NCALD: variants seen among roughly 807,000 people sequenced by gnomAD.
The protein encoded by NCALD is neurocalcin-delta.
NCALD carries 10 observed loss-of-function variants against 18.6 expected under a neutral mutation model. The ratio of observed to expected loss-of-function variants is 0.54; its 90% confidence interval spans 0.33 to 0.91. The LOEUF is 0.91. Among genes scored for constraint, NCALD ranks in the 40% least tolerant of loss-of-function variants. The probability of loss-of-function intolerance (pLI) is 0.03; values close to 1 mark genes in which losing one functional copy is unlikely to be tolerated. For missense variants in NCALD, 184 were observed against 247.6 expected, an observed-to-expected ratio of 0.74 and a Z score of 1.72; for synonymous variants, 88 against 87.4, an observed-to-expected ratio of 1.01 and a Z score of -0.04.
intron 3 of NCALD, among the ~76,000 whole-genome samples, chr8:101,911,736 T>G (rs766717711): frequency 1.3e-5 from 2 of 152,208 alleles, no homozygotes; most frequent in Non-Finnish European, 2.9e-5. Flanking sequence ...GAGCTGCGTT[T>G]CCACGAATTA....
chr8:102,058,434 C>A (rs1401265236), intron 1 of NCALD, among the ~76,000 whole-genome samples: 1 of 152,228 alleles, frequency 6.6e-6, no homozygotes, highest in African/African-American at 2.4e-5. Context: ...CTTACCTATA[C>A]CTGTCCCTGT....
At chr8:102,123,729 C>G (rs1425404225) in intron 1 of NCALD, 2 of 152,532 alleles carry the variant, frequency 1.3e-5, no homozygotes, top group African/African-American at 4.8e-5. Context: ...CCCTTGGCCC[C>G]CTCCCCAGAC....
intron 2 of NCALD, among the ~76,000 whole-genome samples, chr8:101,702,404 T>G (rs931839213): frequency 2.6e-5 from 4 of 151,998 alleles, no homozygotes; most frequent in South Asian, 2.1e-4. Context: ...CTGGGTAATT[T>G]TTTTTTGTAG....
intron 3 of NCALD, among the ~76,000 whole-genome samples, chr8:101,911,314 C>G (rs1251715746): frequency 6.7e-6 from 1 of 149,082 alleles, no homozygotes; most frequent in African/African-American, 2.5e-5. Context: ...AAGGGGGCCA[C>G]AGGAAATCCT....
Position 101,967,868 on chromosome 8 carries a change from T to G in NCALD, c.-156-52010A>C, listed in dbSNP as rs758146715. 5.0e-5 allele frequency among the ~76,000 whole-genome samples: 7 copies of G among 141,190 alleles called. 1 individual carries two copies. The highest frequency in any genetic ancestry group is 2.1e-4 in the Admixed American group (3 of 14,440). The allele number at this position is 141,190 out of a possible 152,430, so 92.6% of individuals were successfully genotyped here. A position where few individuals can be genotyped will look rare whatever the true frequency, so the allele number is the denominator to read the frequency against. Reference sequence around the variant, plus strand: ...ACACACACACACACACACACACACATGCACTCACCCTCAGTCATTTCATGC... The same window carrying G: ...ACACACACACACACACACACACACAGGCACTCACCCTCAGTCATTTCATGC... On this transcript the variant is annotated intron_variant, in intron 2 of 6. Transcript: ENST00000311028.
At chr8:101,979,213 C>T (rs1164491617) in intron 2 of NCALD, among the ~76,000 whole-genome samples, 2 of 152,296 alleles carry the variant, frequency 1.3e-5, no homozygotes, top group South Asian at 2.1e-4. Context: ...ATCAGGAGGG[C>T]ATCTTTCAGG....
chr8:102,030,749 G>A (rs540619929), intron 1 of NCALD, among the ~76,000 whole-genome samples: 16 of 152,114 alleles, frequency 1.1e-4, no homozygotes, highest in South Asian at 4.2e-4. Flanking sequence ...GGTGGTGCAC[G>A]CCTGTAATCC....
intron 4 of NCALD, among the ~76,000 whole-genome samples, chr8:101,810,097 G>T (rs1304979600): frequency 6.6e-6 from 1 of 152,138 alleles, no homozygotes; most frequent in African/African-American, 2.4e-5. Context: ...CCAGCTTAAA[G>T]TCACACATTT....
intron 1 of NCALD, among the ~76,000 whole-genome samples, chr8:102,056,307 A>C (rs765328593): frequency 6.6e-6 from 1 of 152,162 alleles, no homozygotes; most frequent in African/African-American, 2.4e-5. Context: ...AGCAAACTCG[A>C]GTCAGAACTC....
chr8:101,881,204 T>C (rs751071197), intron 4 of NCALD, among the ~76,000 whole-genome samples: 2 of 152,168 alleles, frequency 1.3e-5, no homozygotes, highest in African/African-American at 2.4e-5. Context: ...AAATAATCTC[T>C]TTAATGGTGT....
intron 2 of NCALD, among the ~76,000 whole-genome samples, chr8:101,928,204 C>A (rs1818408931): frequency 6.6e-6 from 1 of 152,154 alleles, no homozygotes; most frequent in Non-Finnish European, 1.5e-5. Flanking sequence ...TGATGCTCAT[C>A]TTCTAGGAAA....
intron 1 of NCALD, among the ~76,000 whole-genome samples, chr8:102,050,727 TTA>T: frequency 6.8e-6 from 1 of 147,268 alleles, no homozygotes; most frequent in African/African-American, 2.5e-5. Context: ...TTGTATATAT[TTA>T]TATATGAATT....
intron 3 of NCALD, among the ~76,000 whole-genome samples, chr8:101,898,194 C>G (rs1817280742): frequency 1.3e-5 from 2 of 152,160 alleles, no homozygotes; most frequent in Admixed American, 6.5e-5. Context: ...TGAGAACAGA[C>G]TAATACAGGC....
chr8:101,879,703 T>C (rs1816399252), intron 4 of NCALD, among the ~76,000 whole-genome samples: 1 of 152,176 alleles, frequency 6.6e-6, no homozygotes, highest in South Asian at 2.1e-4. Flanking sequence ...ATTGGTCCGT[T>C]TTGACAGGGT....
chr8:101,766,014 G>T (rs1221427478), intron 1 of NCALD, among the ~76,000 whole-genome samples: 2 of 152,150 alleles, frequency 1.3e-5, no homozygotes, highest in Non-Finnish European at 2.9e-5. Context: ...TCTCAGTGGA[G>T]GCCACTGATG....
chr8:101,980,661 A>G (rs771710643), intron 2 of NCALD, among the ~76,000 whole-genome samples: 8 of 152,166 alleles, frequency 5.3e-5, no homozygotes, highest in Non-Finnish European at 8.8e-5. Flanking sequence ...ATTTCTCTAC[A>G]AGGAAAGAAT....
chr8:101,820,970 A>G (rs1476714861), intron 4 of NCALD, among the ~76,000 whole-genome samples: 1 of 152,224 alleles, frequency 6.6e-6, no homozygotes, highest in African/African-American at 2.4e-5. Context: ...AACTCATGGT[A>G]AGTAAATCAA....
At chr8:101,997,801 T>C (rs1433302968) in intron 2 of NCALD, among the ~76,000 whole-genome samples, 1 of 152,232 alleles carries the variant, frequency 6.6e-6, no homozygotes, top group Non-Finnish European at 1.5e-5. Flanking sequence ...GTTTTGCTTT[T>C]GTTTTCCAAT....
chr8:101,766,759 A>C (rs1441486290), intron 1 of NCALD, among the ~76,000 whole-genome samples: 1 of 152,062 alleles, frequency 6.6e-6, no homozygotes, highest in Non-Finnish European at 1.5e-5. Context: ...TTGTATTTTT[A>C]GTAGAAATAG....
Sources: gnomAD v4.1 joint callset for allele counts (sites outside exome capture counted in the v4.1 genomes callset) on GRCh38, gnomAD v4.1.1 for gene constraint, MANE v1.5 for transcripts, NCBI Gene and HGNC (gene_info 2026-07-23, HGNC 2026-07-21) for gene names.